PCSK5: variants seen among roughly 807,000 people sequenced by gnomAD.
PCSK5 encodes proprotein convertase subtilisin/kexin type 5.
Under a neutral mutation model 233.2 loss-of-function variants are expected in PCSK5, and 129 were observed. That is an observed-to-expected ratio of 0.55 (90% CI 0.48 to 0.64). The LOEUF (loss-of-function observed/expected upper bound fraction) is 0.64, where lower values mean the gene tolerates loss of function less well. Among genes scored for constraint, PCSK5 ranks in the 30% least tolerant of loss-of-function variants. PCSK5 has a pLI of 0.00. For missense variants in PCSK5, 2,076 were observed against 2,430.1 expected (o/e 0.85, Z 3.06); for synonymous variants, 825 against 879.2 (o/e 0.94, Z 1.09).
At chr9:75,938,261 C>A (rs1824148180) in intron 2 of PCSK5, among the ~76,000 whole-genome samples, 1 of 152,076 alleles carries the variant, frequency 6.6e-6, no homozygotes, top group African/African-American at 2.4e-5. Flanking sequence ...GGCCCAATTT[C>A]AATATAGTTG....
At chr9:76,211,596 C>T (rs551725890) in intron 20 of PCSK5, among the ~76,000 whole-genome samples, 2 of 152,186 alleles carry the variant, frequency 1.3e-5, no homozygotes, top group Non-Finnish European at 2.9e-5. Flanking sequence ...ACCTGTAATC[C>T]CAGCACTTGG....
chr9:76,190,942 C>A (rs1407849365), intron 20 of PCSK5, among the ~76,000 whole-genome samples: 1 of 152,172 alleles, frequency 6.6e-6, no homozygotes, highest in Non-Finnish European at 1.5e-5. Context: ...CACTGCACAT[C>A]CAATTCTCCC....
At chr9:76,130,851 A>G (rs958128526) in intron 9 of PCSK5, among the ~76,000 whole-genome samples, 1 of 152,134 alleles carries the variant, frequency 6.6e-6, no homozygotes, top group African/African-American at 2.4e-5. Flanking sequence ...GTGATTTATT[A>G]TAGGGCGGTG....
chr9:76,338,085 T>A (rs1000076791), intron 34 of PCSK5, 145 bp from the exon 35 acceptor site: 19 of 623,960 alleles, frequency 3.0e-5, no homozygotes, highest in Non-Finnish European at 4.8e-5. Context: ...GATTCATTAG[T>A]GTTATTAGCA....
intron 20 of PCSK5, chr9:76,193,407 TAAAAAGAAAAAAGCC>T (rs1200130721): frequency 6.5e-6 from 4 of 612,894 alleles, no homozygotes; most frequent in Admixed American, 9.5e-5. Flanking sequence ...TCCATATTAT[TAAAAAGAAAAAAGCC>T]AAAAAGAAAA....
chr9:76,194,826 C>A, intron 20 of PCSK5: 2 of 444,594 alleles, frequency 4.5e-6, no homozygotes, highest in Non-Finnish European at 9.2e-6. Flanking sequence ...TACAAGTGAC[C>A]AGCCATCTTG....
At chr9:76,311,342 C>T (rs928257072) in intron 30 of PCSK5, among the ~76,000 whole-genome samples, 2 of 149,260 alleles carry the variant, frequency 1.3e-5, no homozygotes, top group African/African-American at 4.9e-5. Flanking sequence ...CAAAGCAGGA[C>T]CCTGTCTTTA....
At chr9:75,927,911 A>G (rs1455340845) in intron 1 of PCSK5, among the ~76,000 whole-genome samples, 2 of 152,224 alleles carry the variant, frequency 1.3e-5, no homozygotes, top group African/African-American at 4.8e-5. Context: ...GAAACATTGA[A>G]TCTACCAGTC....
At chr9:76,315,828 C>T (rs1237209537) in intron 30 of PCSK5, among the ~76,000 whole-genome samples, 1 of 150,976 alleles carries the variant, frequency 6.6e-6, no homozygotes, top group Admixed American at 6.6e-5. Context: ...GACAGCATTT[C>T]GCCATGTTGG....
At position 75,935,221 on chromosome 9, in the gene PCSK5, C is replaced by T. The variant is rs112592632; in HGVS notation, c.297+2738C>T. Among the ~76,000 whole-genome samples the T allele has an allele frequency of 9.6e-3, 1,463 of 152,222 alleles. 11 individuals carry two copies. The highest frequency in any genetic ancestry group is 0.013 in the Non-Finnish European group (906 of 68,022). On this transcript the variant is annotated intron_variant, in intron 2 of 37. Coordinates refer to ENST00000674117, the MANE Select transcript of PCSK5 (RefSeq NM_001372043.1). ...TAGCTGAGACTACAGGTGCATGCCA[C>T]CACGCCCAGCTAATTTTTTGTATTT...
intron 13 of PCSK5, among the ~76,000 whole-genome samples, 168 bp downstream of exon 13, chr9:76,170,008 A>G (rs1823263055): frequency 1.3e-5 from 2 of 152,188 alleles, no homozygotes; most frequent in Non-Finnish European, 2.9e-5. Flanking sequence ...TTACCATTTG[A>G]GAGATAGTAA....
At chr9:76,224,275 C>T (rs1272204297) in intron 20 of PCSK5, among the ~76,000 whole-genome samples, 3 of 152,088 alleles carry the variant, frequency 2.0e-5, no homozygotes. Flanking sequence ...CACAGAGGAA[C>T]TGGTGGAGAA....
At chr9:75,933,169 T>C (rs1032559386) in intron 2 of PCSK5, among the ~76,000 whole-genome samples, 1 of 152,194 alleles carries the variant, frequency 6.6e-6, no homozygotes, top group Admixed American at 6.5e-5. Context: ...GATGGGAAGC[T>C]GAGGGGTGTC....
intron 24 of PCSK5, among the ~76,000 whole-genome samples, chr9:76,246,341 CAAAAAAAAAA>C (rs59806704): frequency 3.4e-4 from 18 of 52,652 alleles, no homozygotes; most frequent in East Asian, 1.3e-3. Context: ...GATTCCATCT[CAAAAAAAAAA>C]AAAAAAAAAA....
chr9:76,314,992 C>T (rs1564174581), intron 30 of PCSK5, among the ~76,000 whole-genome samples: 1 of 147,108 alleles, frequency 6.8e-6, no homozygotes, highest in Non-Finnish European at 1.5e-5. Flanking sequence ...TGGAGTTTCA[C>T]TCTTGTTGCC....
intron 2 of PCSK5, among the ~76,000 whole-genome samples, chr9:75,960,330 G>C (rs970877512): frequency 2.0e-5 from 3 of 152,182 alleles, no homozygotes; most frequent in African/African-American, 7.2e-5. Flanking sequence ...AATAGGATTA[G>C]TTTGAAACAA....
intron 20 of PCSK5, among the ~76,000 whole-genome samples, chr9:76,204,553 C>G (rs983718702): frequency 1.3e-5 from 2 of 151,946 alleles, no homozygotes; most frequent in African/African-American, 4.8e-5. Flanking sequence ...CCTCCCCGCA[C>G]TGGACCCTTT....
intron 2 of PCSK5, among the ~76,000 whole-genome samples, chr9:75,938,639 A>G (rs972375262): frequency 6.6e-6 from 1 of 152,262 alleles, no homozygotes; most frequent in East Asian, 1.9e-4. Context: ...GAGAAGTGCA[A>G]TAAAACAAGG....
At chr9:76,138,580 T>G (rs1247781685) in intron 10 of PCSK5, among the ~76,000 whole-genome samples, 1 of 152,096 alleles carries the variant, frequency 6.6e-6, no homozygotes, top group Non-Finnish European at 1.5e-5. Context: ...GCCTGGGCTG[T>G]GCAGGCTGAT....
Sources: gnomAD v4.1 joint callset for allele counts (sites outside exome capture counted in the v4.1 genomes callset) on GRCh38, gnomAD v4.1.1 for gene constraint, MANE v1.5 for transcripts, NCBI Gene and HGNC (gene_info 2026-07-23, HGNC 2026-07-21) for gene names.